Variants in LRFN2 observed in about 807,000 individuals in gnomAD.
LRFN2 encodes the protein leucine rich repeat and fibronectin type III domain containing 2.
In LRFN2, 18 loss-of-function variants were observed where a neutral mutation model predicts 37.3. The ratio of observed to expected loss-of-function variants is 0.48; its 90% CI spans 0.33 to 0.72. The LOEUF is 0.72. LRFN2 is among the 30% of genes least tolerant of loss of function. The pLI is 0.02. For missense variants in LRFN2, 1,006 were observed against 1,060.7 expected (o/e 0.95, Z 0.72); for synonymous variants, 556 against 466.6 (o/e 1.19, Z -2.47).
At chr6:40,444,611 T>C (rs1373258191) in intron 1 of LRFN2, among the ~76,000 whole-genome samples, 5 of 152,184 alleles carry the variant, frequency 3.3e-5, no homozygotes, top group Admixed American at 6.5e-5. Flanking sequence ...AGGAGTTCTA[T>C]AAGCTGGGTC....
At chr6:40,483,191 A>G (rs1417673220) in intron 1 of LRFN2, among the ~76,000 whole-genome samples, 1 of 152,292 alleles carries the variant, frequency 6.6e-6, no homozygotes, top group Non-Finnish European at 1.5e-5. Context: ...GGCATAAAAT[A>G]GAAAACGTGT....
chr6:40,521,715 C>T (rs978502379), intron 1 of LRFN2, among the ~76,000 whole-genome samples: 1 of 152,072 alleles, frequency 6.6e-6, no homozygotes, highest in Non-Finnish European at 1.5e-5. Flanking sequence ...TACTGTATCA[C>T]GTGCTGGCAA....
intron 1 of LRFN2, among the ~76,000 whole-genome samples, chr6:40,572,898 C>T (rs1453492553): frequency 1.3e-5 from 2 of 152,202 alleles, no homozygotes; most frequent in East Asian, 3.9e-4. Flanking sequence ...GGGGAAGGAT[C>T]GGATAATGAC....
At chr6:40,448,795 A>G (rs769030274) in intron 1 of LRFN2, among the ~76,000 whole-genome samples, 2 of 152,278 alleles carry the variant, frequency 1.3e-5, no homozygotes, top group South Asian at 2.1e-4. Flanking sequence ...GAAGCTGAAC[A>G]CTTCCGGCTT....
chr6:40,494,164 G>C (rs777778625), intron 1 of LRFN2, among the ~76,000 whole-genome samples: 1 of 152,206 alleles, frequency 6.6e-6, no homozygotes, highest in Non-Finnish European at 1.5e-5. Flanking sequence ...AGGTCCAGGG[G>C]GAGACAGGAC....
chr6:40,537,911 T>C (rs1258180211), intron 1 of LRFN2, among the ~76,000 whole-genome samples: 3 of 151,904 alleles, frequency 2.0e-5, no homozygotes, highest in African/African-American at 7.3e-5. Context: ...ACACTAGAGA[T>C]TGAAGGGAGC....
chr6:40,531,179 T>C lies in LRFN2; in HGVS notation c.-19+55762A>G, dbSNP rs558789252. The stretch of plus-strand genomic sequence containing the variant: ...GACTTCTAATACCACAGATAGGCCA[T>C]CTGATTTGTAATTTACATAAATGGA... On this transcript the variant is annotated intron_variant, in intron 1 of 2. Transcript: ENST00000338305. 6.6e-5 allele frequency among the ~76,000 whole-genome samples: 10 copies of C among 152,312 alleles called. No individual in the cohort carries two copies. In the South Asian group the frequency reaches 1.9e-3, roughly 28 times the overall value.
chr6:40,435,153 CAGAGAGAGAGAGAG>C (rs10583784), intron 1 of LRFN2, among the ~76,000 whole-genome samples: 2 of 113,600 alleles, frequency 1.8e-5, no homozygotes, highest in South Asian at 3.1e-4. Flanking sequence ...TATATATATA[CAGAGAGAGAGAGAG>C]AGAGAGAGAG....
chr6:40,415,082 C>T (rs897880978), intron 2 of LRFN2, among the ~76,000 whole-genome samples: 1 of 152,204 alleles, frequency 6.6e-6, no homozygotes, highest in East Asian at 1.9e-4. Flanking sequence ...AAAACCTGCA[C>T]ACATCTGAGG....
chr6:40,547,196 C>G (rs1259657520), intron 1 of LRFN2, among the ~76,000 whole-genome samples: 2 of 151,542 alleles, frequency 1.3e-5, no homozygotes, highest in Non-Finnish European at 1.5e-5. Flanking sequence ...CCTCTGCTTC[C>G]TGGGTTCAAG....
intron 2 of LRFN2, among the ~76,000 whole-genome samples, chr6:40,415,136 A>G (rs536710442): frequency 6.6e-6 from 1 of 152,270 alleles, no homozygotes; most frequent in Admixed American, 6.5e-5. Flanking sequence ...TGCTCCAGAG[A>G]CAGAAAAACA....
At chr6:40,535,942 G>A (rs1014918924) in intron 1 of LRFN2, among the ~76,000 whole-genome samples, 1 of 152,100 alleles carries the variant, frequency 6.6e-6, no homozygotes, top group African/African-American at 2.4e-5. Flanking sequence ...ATTGCAGCTG[G>A]CTCAGCGATG....
At chr6:40,420,846 G>T (rs112142061) in intron 2 of LRFN2, among the ~76,000 whole-genome samples, 1 of 152,214 alleles carries the variant, frequency 6.6e-6, no homozygotes, top group East Asian at 1.9e-4. Flanking sequence ...TATTTGGGAG[G>T]TGGGCTCAGG....
intron 1 of LRFN2, among the ~76,000 whole-genome samples, chr6:40,538,233 G>C (rs559658646): frequency 1.3e-5 from 2 of 152,306 alleles, no homozygotes; most frequent in African/African-American, 4.8e-5. Context: ...CCTGGGAAGA[G>C]GGGAGAGAAG....
intron 1 of LRFN2, among the ~76,000 whole-genome samples, chr6:40,495,087 G>A (rs976227163): frequency 5.3e-5 from 8 of 152,142 alleles, no homozygotes; most frequent in Non-Finnish European, 1.2e-4. Context: ...TAATAACTGG[G>A]CAGACCTTTG....
intron 1 of LRFN2, among the ~76,000 whole-genome samples, chr6:40,462,332 T>A (rs1207106081): frequency 6.6e-6 from 1 of 152,092 alleles, no homozygotes; most frequent in Non-Finnish European, 1.5e-5. Context: ...GCTACACAAG[T>A]CCCTCCATAC....
chr6:40,585,423 A>T (rs1293656652), intron 1 of LRFN2, among the ~76,000 whole-genome samples: 1 of 152,150 alleles, frequency 6.6e-6, no homozygotes, highest in Admixed American at 6.5e-5. Context: ...TGACGGCTCC[A>T]AGTGCAGGCC....
intron 1 of LRFN2, among the ~76,000 whole-genome samples, chr6:40,519,519 C>T (rs1765988015): frequency 6.6e-6 from 1 of 152,226 alleles, no homozygotes; most frequent in Non-Finnish European, 1.5e-5. Context: ...ATTCAAGAGA[C>T]CTCATAGGGT....
chr6:40,507,690 C>T (rs1765581732), intron 1 of LRFN2, among the ~76,000 whole-genome samples: 1 of 152,176 alleles, frequency 6.6e-6, no homozygotes, highest in South Asian at 2.1e-4. Context: ...CAGCATCTGG[C>T]ACACTGTAAG....
Sources: allele counts gnomAD v4.1 joint callset (sites outside exome capture counted in the v4.1 genomes callset), GRCh38; gene constraint gnomAD v4.1.1; transcripts MANE v1.5; gene names NCBI Gene and HGNC (gene_info 2026-07-23, HGNC 2026-07-21).